Variants in MYH9 observed in about 807,000 individuals in gnomAD.
MYH9 encodes myosin heavy chain 9.
Under a neutral mutation model 241.9 loss-of-function variants are expected in MYH9, and 29 were observed. That is an observed-to-expected ratio of 0.12 (90% CI 0.09 to 0.16). The LOEUF is 0.16. Among genes scored for constraint, MYH9 ranks in the 10% least tolerant of loss-of-function variants. The pLI, the probability that MYH9 is intolerant of heterozygous loss-of-function variation, is 1.00. For synonymous variants in MYH9, 1,047 were observed against 1,062.6 expected (o/e 0.99, Z 0.29); for missense variants, 1,803 against 2,595.5 (o/e 0.69, Z 6.63).
chr22:36,287,918 G>T (rs2016615676), intron 34 of MYH9, among the ~76,000 whole-genome samples: 2 of 152,226 alleles, frequency 1.3e-5, no homozygotes, highest in Non-Finnish European at 1.5e-5. Flanking sequence ...GAGCCCAGAA[G>T]GCTGAAGGGT....
chr22:36,336,608 T>A (rs1556640394), intron 3 of MYH9, among the ~76,000 whole-genome samples: 1 of 152,116 alleles, frequency 6.6e-6, no homozygotes, highest in Non-Finnish European at 1.5e-5. Flanking sequence ...GACAACGAAT[T>A]AACAACATGG....
chr22:36,281,903 C>T lies in MYH9; in HGVS notation c.*765G>A, dbSNP rs1347980067. The T allele has an allele frequency of 4.3e-6, 1 of 231,560 alleles. No homozygotes were observed. Among genetic ancestry groups the T allele is most frequent in the African/African-American group, 2.2e-5 (1 of 45,212 alleles). The allele number at this position is 231,560 out of a possible 1,614,324, so 14.3% of individuals were successfully genotyped here. Reference sequence around the variant, plus strand: ...TCCCCAAGAGTGTTGGGAGAAGCCACTGGAAGGCTGCTGGCCTTTCCAGCT... The same window carrying T: ...TCCCCAAGAGTGTTGGGAGAAGCCATTGGAAGGCTGCTGGCCTTTCCAGCT... On this transcript the variant is annotated 3_prime_UTR_variant, in exon 41 of 41. Transcript: ENST00000216181.
intron 21 of MYH9, 111 bp downstream of exon 21, chr22:36,301,423 G>A (rs2146344073): frequency 6.9e-7 from 1 of 1,449,438 alleles, no homozygotes; most frequent in Non-Finnish European, 9.5e-7. Context: ...CTCAGTTGTA[G>A]AAAACTCCTA....
chr22:36,323,465 C>T (rs867300090), intron 5 of MYH9, among the ~76,000 whole-genome samples: 17 of 152,294 alleles, frequency 1.1e-4, no homozygotes, highest in Middle Eastern at 3.4e-3. Context: ...GGGGAAAGAA[C>T]GTCACACAAG....
chr22:36,291,055 TG>T (rs1348512412), intron 31 of MYH9, among the ~76,000 whole-genome samples: 2 of 139,734 alleles, frequency 1.4e-5, no homozygotes, highest in African/African-American at 5.5e-5. Context: ...GGGAGGGAGG[TG>T]GGGGGGTCAG....
At position 36,305,836 on chromosome 22, in the gene MYH9, C is replaced by T. The variant is rs555717190; in HGVS notation, c.2159+94G>A. The T allele has an allele frequency of 7.6e-6, 12 of 1,579,134 alleles. No homozygotes were observed. Among genetic ancestry groups the T allele is most frequent in the South Asian group, 5.5e-5 (5 of 90,154 alleles). On this transcript the variant is annotated intron_variant, in intron 17 of 40. Transcript: ENST00000216181. This position sits in a 1 kb window ranked among gnomAD's most constrained non-coding sequence, Gnocchi z 4.7. The stretch of plus-strand genomic sequence containing the variant: ...ATGGATGGAGGACGTCGCTCCCTCA[C>T]GACAGGATCCTGCCAGGGAGCAGCA...
chr22:36,297,162 G>A lies in MYH9; in HGVS notation c.3101-148C>T, dbSNP rs988483356. The A allele has an allele frequency of 3.8e-5, 33 of 876,916 alleles. 1 individual carries two copies. In the African/African-American group the frequency reaches 3.8e-4, roughly 10 times the overall value. 54.3% of individuals were successfully genotyped at this position (876,916 alleles called of 1,614,324 possible). A position where few individuals can be genotyped will look rare whatever the true frequency, so the allele number is the denominator to read the frequency against. On this transcript the variant is annotated intron_variant, in intron 24 of 40. Coordinates refer to ENST00000216181, the MANE Select transcript of MYH9 (RefSeq NM_002473.6). ...ACACAGACACTCGCACCCAACTCCT[G>A]GATGCAGGAAGAGGACATCACTGCA...
chr22:36,312,216 G>A lies in MYH9; in HGVS notation c.1561C>T (p.Pro521Ser), dbSNP rs1452533167. 4 of 1,614,070 alleles carry A rather than the reference G, an allele frequency of 2.5e-6. No individual in the cohort carries two copies. Among genetic ancestry groups the A allele is most frequent in the Non-Finnish European group, 3.4e-6 (4 of 1,180,024 alleles). Residue 521 changes from proline (P) to serine (S), a missense_variant, in exon 14 of 41, where the codon CCC becomes TCC. This residue lies in a region of MYH9 where 163 missense variants were observed against 349.7 expected (regional missense o/e 0.47). Transcript: ENST00000216181. Reference protein sequence around the residue: ...CIDLIEKPAGPPGILALLDEE... With the variant: ...CIDLIEKPAGSPGILALLDEE... ...TCCAGCAGGGCCAGAATGCCCGGGG[G>A]GCCTGCCTGGAGGAAGCGCAGCATC...
At chr22:36,308,869 C>G (rs1385941248) in intron 15 of MYH9, 4 of 985,330 alleles carry the variant, frequency 4.1e-6, no homozygotes, top group Non-Finnish European at 3.6e-6. Context: ...TGCTCTGCAT[C>G]TCTGCAACAG....
chr22:36,326,391 G>A (rs1048869696), intron 5 of MYH9, among the ~76,000 whole-genome samples, 177 bp downstream of exon 5: 3 of 152,208 alleles, frequency 2.0e-5, no homozygotes, highest in Non-Finnish European at 2.9e-5. Context: ...GCTTGCTACC[G>A]CTGGACCACT....
intron 1 of MYH9, among the ~76,000 whole-genome samples, chr22:36,372,521 T>TA (rs568839637): frequency 0.014 from 2,021 of 139,968 alleles, 29 homozygotes; most frequent in African/African-American, 0.032. Context: ...TGACAGGTAA[T>TA]AAAAAAAAAA....
At chr22:36,296,733 A>G (rs892700073) in intron 25 of MYH9, 110 bp downstream of exon 25, 172 of 1,274,342 alleles carry the variant, frequency 1.3e-4, no homozygotes, top group East Asian at 2.5e-5. Context: ...TTTTAAGACA[A>G]CAGTGGAAAG....
Position 36,300,116 on chromosome 22 carries a change from A to G in MYH9, c.2976+11T>C. The stretch of plus-strand genomic sequence containing the variant: ...CCTGGAGCAGCGGCAGGCGACAGCC[A>G]CGGGCCTCACCTTGGCCAGCTTGCA... On this transcript the variant is annotated intron_variant, in intron 23 of 40. Coordinates refer to ENST00000216181, the MANE Select transcript of MYH9 (RefSeq NM_002473.6). This position sits in a 1 kb window ranked among gnomAD's most constrained non-coding sequence, Gnocchi z 5.0. 6.2e-7 allele frequency: 1 copy of G among 1,609,596 alleles called. No homozygotes were observed. The highest frequency in any genetic ancestry group is 8.5e-7 in the Non-Finnish European group (1 of 1,179,994).
Position 36,285,523 on chromosome 22 carries a change from G to A in MYH9, c.5274+135C>T. 3 of 1,437,780 alleles carry A rather than the reference G, an allele frequency of 2.1e-6. 1 individual carries two copies. The South Asian group carries it at 3.6e-5, about 17-fold the overall frequency. The allele number at this position is 1,437,780 out of a possible 1,614,324, so 89.1% of individuals were successfully genotyped here. ...CCAGAGGGGGACCTTTCAGGTCCAG[G>A]TGCCTGGACATTTTCCCCTAAGCGC... On this transcript the variant is annotated intron_variant, in intron 37 of 40. Coordinates refer to ENST00000216181, the MANE Select transcript of MYH9 (RefSeq NM_002473.6). This position sits in a 1 kb window ranked among gnomAD's most constrained non-coding sequence, Gnocchi z 7.0.
At chr22:36,349,307 C>G in intron 1 of MYH9, 52 bp from the exon 2 acceptor site, 3 of 1,334,194 alleles carry the variant, frequency 2.2e-6, no homozygotes, top group Admixed American at 3.6e-5. Flanking sequence ...GTCAGCCACA[C>G]AAGATCACTC....
chr22:36,286,141 TA>T (rs2016576589), intron 35 of MYH9, 188 bp from the exon 36 acceptor site: 1 of 638,556 alleles, frequency 1.6e-6, no homozygotes. Flanking sequence ...ACCATATGTT[TA>T]TAAAACTCTT....
Position 36,320,195 on chromosome 22 carries a change from G to A in MYH9, c.1012+25C>T, listed in dbSNP as rs373455513. 8.5e-5 allele frequency: 137 copies of A among 1,613,628 alleles called. 1 individual carries two copies. Among genetic ancestry groups the A allele is most frequent in the Non-Finnish European group, 1.1e-4 (133 of 1,179,996 alleles). ...ACCAGCCTTCCTCTGCCCCACACTC[G>A]ACCATAGGAGGGCCAGCCCTGTACC... On this transcript the variant is annotated intron_variant, in intron 9 of 40. Coordinates refer to ENST00000216181, the MANE Select transcript of MYH9 (RefSeq NM_002473.6). The surrounding 1 kb of genome is among the most constrained non-coding windows in gnomAD (Gnocchi z 4.8).
chr22:36,360,966 C>T (rs996052377), intron 1 of MYH9, among the ~76,000 whole-genome samples: 4 of 152,148 alleles, frequency 2.6e-5, no homozygotes, highest in African/African-American at 9.7e-5. Flanking sequence ...ATGCACAAGG[C>T]CACTCTCTGC....
At position 36,308,142 on chromosome 22, in the gene MYH9, C is replaced by T. The variant is rs566013154; in HGVS notation, c.1843+1140G>A. 2.6e-5 allele frequency among the ~76,000 whole-genome samples: 4 copies of T among 152,276 alleles called. No individual in the cohort carries two copies. In the East Asian group the frequency reaches 7.7e-4, roughly 29 times the overall value. ...CCACTTCAGCTTTCAGGTGCACAGA[C>T]ACAGCAGTGTGCATACCTGAACCTC... On this transcript the variant is annotated intron_variant, in intron 15 of 40. Coordinates refer to ENST00000216181, the MANE Select transcript of MYH9 (RefSeq NM_002473.6).
Sources: gnomAD v4.1 joint callset for allele counts (sites outside exome capture counted in the v4.1 genomes callset) on GRCh38, gnomAD v4.1.1 for gene constraint, gnomAD v4.1.1 regional missense constraint, Gnocchi (gnomAD v3.1) non-coding constraint, MANE v1.5 for transcripts, NCBI Gene and HGNC (gene_info 2026-07-23, HGNC 2026-07-21) for gene names.